GLTP: variants seen among roughly 807,000 people sequenced by gnomAD.
GLTP encodes the protein glycolipid transfer protein.
A neutral mutation model predicts 24.0 loss-of-function variants in GLTP; 22 were observed. The ratio of observed to expected loss-of-function variants is 0.92; its 90% CI spans 0.65 to 1.31. The LOEUF (loss-of-function observed/expected upper bound fraction) is 1.31. Ranked by LOEUF, GLTP falls within the 50% of genes most tolerant of loss-of-function variation. The pLI is 0.00. For synonymous variants in GLTP, 92 were observed against 115.9 expected, an observed-to-expected ratio of 0.79 and a Z score of 1.33; for missense variants, 224 against 276.6, an observed-to-expected ratio of 0.81 and a Z score of 1.35.
At chr12:109,856,785 C>T (rs1343139224) in intron 3 of GLTP, among the ~76,000 whole-genome samples, 1 of 152,198 alleles carries the variant, frequency 6.6e-6, no homozygotes, top group Non-Finnish European at 1.5e-5. Flanking sequence ...CACGGCCGGG[C>T]ACGGTGCCTC....
intron 2 of GLTP, chr12:109,858,310 CTA>C (rs555953876): frequency 7.9e-4 from 347 of 439,516 alleles, no homozygotes; most frequent in African/African-American, 6.6e-3. Flanking sequence ...CACAGGCAGT[CTA>C]TGGCTGGGGA....
intron 1 of GLTP, among the ~76,000 whole-genome samples, chr12:109,865,458 T>C (rs1291029021): frequency 6.6e-6 from 1 of 151,884 alleles, no homozygotes. Flanking sequence ...GAAACCCCCA[T>C]CTGTACTAAA....
At position 109,862,235 on chromosome 12, in the gene GLTP, G is replaced by C. The variant is rs570365370; in HGVS notation, c.104-3494C>G. 7.2e-5 allele frequency among the ~76,000 whole-genome samples: 11 copies of C among 152,244 alleles called. No individual in the cohort carries two copies. In the South Asian group the frequency reaches 1.2e-3, roughly 17 times the overall value. On this transcript the variant is annotated intron_variant, in intron 1 of 4. Coordinates refer to ENST00000318348, the MANE Select transcript of GLTP (RefSeq NM_016433.4). ...AGACAGGCCTGCCAAGCATCAATGG[G>C]GTGACGACTCCATGCCACCCTTTAA...
intron 4 of GLTP, 99 bp from the exon 5 acceptor site, chr12:109,852,836 T>G (rs1414125446): frequency 1.4e-6 from 1 of 718,570 alleles, no homozygotes; most frequent in Non-Finnish European, 2.4e-6. Flanking sequence ...CCTGGGTCTG[T>G]GCTGGACAGG....
In GLTP at chr12:109,855,389, C is replaced by T. The variant is rs977921054; in HGVS notation, c.447+230G>A. Among the ~76,000 whole-genome samples the T allele has an allele frequency of 1.7e-4, 26 of 152,120 alleles. No individual in the cohort carries two copies. Among genetic ancestry groups the T allele is most frequent in the Admixed American group, 1.4e-3 (21 of 15,276 alleles). On this transcript the variant is annotated intron_variant, in intron 4 of 4. Coordinates refer to ENST00000318348, the MANE Select transcript of GLTP (RefSeq NM_016433.4). The surrounding 1 kb of genome is among the most constrained non-coding windows in gnomAD (Gnocchi z 4.1). ...GGCCAAGGCCCCTAAAGAGAAACAC[C>T]GTGGAGTAGCTACAGTGACACCCGC...
intron 1 of GLTP, among the ~76,000 whole-genome samples, chr12:109,867,185 A>G (rs1031823090): frequency 5.3e-4 from 81 of 151,572 alleles, no homozygotes; most frequent in Non-Finnish European, 3.7e-4. Flanking sequence ...GTCTCACTCT[A>G]TAGCCCAAGC....
intron 1 of GLTP, among the ~76,000 whole-genome samples, chr12:109,873,860 G>T (rs191100336): frequency 7.2e-5 from 11 of 152,108 alleles, no homozygotes; most frequent in African/African-American, 2.7e-4. Context: ...CTTGTTTGGG[G>T]CTTTTCCCAC....
chr12:109,879,925 G>A (rs1592896265), intron 1 of GLTP, among the ~76,000 whole-genome samples: 1 of 152,024 alleles, frequency 6.6e-6, no homozygotes, highest in African/African-American at 2.4e-5. Flanking sequence ...GGAGGCTTTG[G>A]GGGAGATGGT....
chr12:109,871,081 C>CTTTTTTTTTTT (rs965998479), intron 1 of GLTP, among the ~76,000 whole-genome samples: 1 of 114,434 alleles, frequency 8.7e-6, no homozygotes, highest in Non-Finnish European at 1.8e-5. Flanking sequence ...CATTTCCATT[C>CTTTTTTTTTTT]TTTTTTTTTT....
intron 1 of GLTP, among the ~76,000 whole-genome samples, chr12:109,868,591 T>TGA (rs1296248760): frequency 6.6e-6 from 1 of 152,206 alleles, no homozygotes; most frequent in Non-Finnish European, 1.5e-5. Flanking sequence ...TCAGCCTGTG[T>TGA]GATTCAGGAC....
At position 109,857,411 on chromosome 12, in the gene GLTP, C is replaced by A; in HGVS notation, c.296+115G>T. On this transcript the variant is annotated intron_variant, in intron 3 of 4. Transcript: ENST00000318348. The surrounding 1 kb of genome is among the most constrained non-coding windows in gnomAD (Gnocchi z 4.3). ...TTCCCAGCCATTAACTAGCATCACA[C>A]TGGAAGGGCTCGGAAGTGACCTTCC... 8.3e-7 allele frequency: 1 copy of A among 1,200,998 alleles called. No individual in the cohort carries two copies. The highest frequency in any genetic ancestry group is 2.3e-5 in the East Asian group (1 of 42,752). 74.4% of individuals were successfully genotyped at this position (1,200,998 alleles called of 1,614,324 possible). A position where few individuals can be genotyped will look rare whatever the true frequency, so the allele number is the denominator to read the frequency against.
At chr12:109,853,238 A>G (rs1306043497) in intron 4 of GLTP, among the ~76,000 whole-genome samples, 2 of 152,068 alleles carry the variant, frequency 1.3e-5, no homozygotes, top group Non-Finnish European at 2.9e-5. Context: ...CCACTTTCTG[A>G]GTTGGGGAGA....
chr12:109,858,587 G>A, intron 2 of GLTP, 96 bp downstream of exon 2: 1 of 872,548 alleles, frequency 1.1e-6, no homozygotes, highest in East Asian at 2.4e-5. Flanking sequence ...TCCTTGGGGT[G>A]GGAAGCTTGC....
chr12:109,851,374 AAAC>A lies in GLTP; in HGVS notation c.*1178_*1180del, dbSNP rs1892719237. ...GTAAAACAACAACAACAACAACAAA[AAAC>A]AACCAGAAAAAAGAAAACAAACAAA... On this transcript the variant is annotated 3_prime_UTR_variant, in exon 5 of 5. Coordinates refer to ENST00000318348, the MANE Select transcript of GLTP (RefSeq NM_016433.4). The A allele has an allele frequency of 6.6e-6, 1 of 152,210 alleles. No individual in the cohort carries two copies. The highest frequency in any genetic ancestry group is 1.5e-5 in the Non-Finnish European group (1 of 68,044). 9.4% of individuals were successfully genotyped at this position (152,210 alleles called of 1,614,324 possible).
At chr12:109,864,815 T>C (rs1474409614) in intron 1 of GLTP, among the ~76,000 whole-genome samples, 2 of 152,136 alleles carry the variant, frequency 1.3e-5, no homozygotes, top group Non-Finnish European at 2.9e-5. Context: ...TGTGGTGGCT[T>C]TTCTAATAGT....
In GLTP at chr12:109,852,373, C is replaced by CAA. The variant is rs56313678; in HGVS notation, c.*180_*181dup. On this transcript the variant is annotated 3_prime_UTR_variant, in exon 5 of 5. Coordinates refer to ENST00000318348, the MANE Select transcript of GLTP (RefSeq NM_016433.4). ...TATTTACTGGTCCTTTAGAATAGAC[C>CAA]AAAAAAAAAAAAAAAAAAGACTTAA... 0.023 allele frequency: 6,555 copies of CAA among 282,226 alleles called. 84 individuals carry two copies. The highest frequency in any genetic ancestry group is 0.053 in the African/African-American group (1,913 of 35,850). 17.5% of individuals were successfully genotyped at this position (282,226 alleles called of 1,614,324 possible).
chr12:109,878,961 C>T (rs868420033), intron 1 of GLTP, among the ~76,000 whole-genome samples: 2 of 152,164 alleles, frequency 1.3e-5, no homozygotes, highest in African/African-American at 4.8e-5. Context: ...CCCCCTACAG[C>T]GAAGACCTAT....
At chr12:109,872,132 G>T (rs1250836159) in intron 1 of GLTP, among the ~76,000 whole-genome samples, 1 of 152,242 alleles carries the variant, frequency 6.6e-6, no homozygotes, top group East Asian at 1.9e-4. Flanking sequence ...CTGGCCTTTG[G>T]ACATTATAAA....
Position 109,858,725 on chromosome 12 carries a change from TG to T in GLTP, c.119del (p.Pro40GlnfsTer10). On this transcript the variant is annotated frameshift_variant, in exon 2 of 5. Transcript: ENST00000318348. LOFTEE classifies it high-confidence loss of function. ...LPPFFDCLGS[P>X]VFTPIKADIS... ...TGTCTGCCTTGATGGGAGTAAACAC[TG>T]GGGACCCAAGGCAATCTGGGGACAA... The T allele has an allele frequency of 6.2e-7, 1 of 1,611,800 alleles. No homozygotes were observed. The highest frequency in any genetic ancestry group is 8.5e-7 in the Non-Finnish European group (1 of 1,177,928).
Sources: gnomAD v4.1 joint callset for allele counts (sites outside exome capture counted in the v4.1 genomes callset) on GRCh38, gnomAD v4.1.1 for gene constraint, Gnocchi (gnomAD v3.1) non-coding constraint, MANE v1.5 for transcripts, NCBI Gene and HGNC (gene_info 2026-07-23, HGNC 2026-07-21) for gene names.